FAM161A: variants seen among roughly 807,000 people sequenced by gnomAD.
The protein encoded by FAM161A is FAM161 centrosomal protein A.
In FAM161A, 57 loss-of-function variants were observed where a neutral mutation model predicts 70.9. The observed-to-expected ratio is 0.80, with a 90% confidence interval of 0.65 to 1.00. FAM161A has a LOEUF of 1.00. Among genes scored for constraint, FAM161A ranks in the 50% least tolerant of loss-of-function variants. FAM161A has a pLI of 0.00. For synonymous variants in FAM161A, 299 were observed against 295.7 expected (o/e 1.01, Z -0.12); for missense variants, 880 against 836.0 (o/e 1.05, Z -0.65).
intron 4 of FAM161A, among the ~76,000 whole-genome samples, chr2:61,837,608 A>C (rs1672821990): frequency 6.6e-6 from 1 of 152,190 alleles, no homozygotes; most frequent in Non-Finnish European, 1.5e-5. Context: ...ATCTCTACCA[A>C]AAATACAAAA....
the FAM161A span, among the ~76,000 whole-genome samples, chr2:61,800,920 C>T: frequency 6.6e-6 from 1 of 152,078 alleles, no homozygotes; most frequent in Admixed American, 6.6e-5. Context: ...TCTCCTGCCT[C>T]AGCCTCCCAA....
chr2:61,802,605 C>T, the FAM161A span, among the ~76,000 whole-genome samples: 1 of 152,068 alleles, frequency 6.6e-6, no homozygotes, highest in Admixed American at 6.6e-5. Flanking sequence ...TGGGACATTT[C>T]CTATAAACTG....
At chr2:61,852,910 A>G (rs1248067734) in intron 1 of FAM161A, among the ~76,000 whole-genome samples, 1 of 145,956 alleles carries the variant, frequency 6.9e-6, no homozygotes, top group Non-Finnish European at 1.5e-5. Flanking sequence ...CTATCTGCAG[A>G]TTGCTAGTTT....
chr2:61,817,793 C>T, the FAM161A span, among the ~76,000 whole-genome samples: 3 of 151,920 alleles, frequency 2.0e-5, no homozygotes, highest in Non-Finnish European at 1.5e-5. Context: ...ATAGTGAGAC[C>T]CTGTCTCTAC....
intron 1 of FAM161A, among the ~76,000 whole-genome samples, chr2:61,852,987 C>T (rs540072818): frequency 9.9e-5 from 13 of 131,520 alleles, no homozygotes; most frequent in Non-Finnish European, 1.5e-5. Context: ...TCTCAGCTCA[C>T]TGCAACCCTC....
Position 61,838,892 on chromosome 2 carries a change from A to ATTTATTTTTTTT in FAM161A, c.1584-188_1584-187insAAAAAAAATAAA, listed in dbSNP as rs747578151. Among the ~76,000 whole-genome samples the ATTTATTTTTTTT allele has an allele frequency of 1.3e-3, 169 of 130,322 alleles. 1 individual carries two copies. The highest frequency in any genetic ancestry group is 4.3e-3 in the African/African-American group (161 of 37,064). The allele number at this position is 130,322 out of a possible 152,430, so 85.5% of individuals were successfully genotyped here. A position where few individuals can be genotyped will look rare whatever the true frequency, so the allele number is the denominator to read the frequency against. On this transcript the variant is annotated intron_variant, in intron 3 of 6. Transcript: ENST00000404929. ...TATTTATTTATTTATTTATTTATTT[A>ATTTATTTTTTTT]TTTTTTTTGAGATGGAGTCTCGCTC...
the FAM161A span, among the ~76,000 whole-genome samples, chr2:61,802,758 C>T: frequency 0.014 from 2,124 of 152,246 alleles, 14 homozygotes; most frequent in South Asian, 0.022. Flanking sequence ...TCCTATGCAC[C>T]AGGCACTATA....
At chr2:61,834,921 A>G (rs1250027033) in intron 5 of FAM161A, among the ~76,000 whole-genome samples, 1 of 152,238 alleles carries the variant, frequency 6.6e-6, no homozygotes, top group Non-Finnish European at 1.5e-5. Flanking sequence ...TTTGAGCCAA[A>G]AGCCAATCAC....
At chr2:61,802,673 T>C in the FAM161A span, among the ~76,000 whole-genome samples, 2 of 152,186 alleles carry the variant, frequency 1.3e-5, no homozygotes, top group Non-Finnish European at 2.9e-5. Context: ...GTTTCAAATG[T>C]GTATATTCAA....
At position 61,825,469 on chromosome 2, in the gene FAM161A, A is replaced by G. The variant is rs574491002; in HGVS notation, c.*986T>C. ...TAATTACTTCCATCTGTAATAATAC[A>G]TAGGGTTAAAAAAACTAGTATAAAA... On this transcript the variant is annotated 3_prime_UTR_variant, in exon 7 of 7. Transcript: ENST00000404929. 4.5e-4 allele frequency: 203 copies of G among 451,876 alleles called. 1 individual carries two copies. Among genetic ancestry groups the G allele is most frequent in the South Asian group, 3.1e-3 (200 of 63,498 alleles). 28.0% of individuals were successfully genotyped at this position (451,876 alleles called of 1,614,324 possible). A position where few individuals can be genotyped will look rare whatever the true frequency, so the allele number is the denominator to read the frequency against.
chr2:61,814,269 G>A, the FAM161A span, among the ~76,000 whole-genome samples: 1 of 152,176 alleles, frequency 6.6e-6, no homozygotes, highest in Non-Finnish European at 1.5e-5. Context: ...GTTCCTGACA[G>A]TTTGCTCTTT....
chr2:61,804,758 G>GAA, the FAM161A span, among the ~76,000 whole-genome samples: 2 of 66,374 alleles, frequency 3.0e-5, no homozygotes, highest in African/African-American at 6.6e-5. Flanking sequence ...AAGAAAGAAA[G>GAA]AAAAAGAAAG....
At chr2:61,829,786 A>G (rs1672502001) in intron 5 of FAM161A, among the ~76,000 whole-genome samples, 1 of 152,220 alleles carries the variant, frequency 6.6e-6, no homozygotes, top group African/African-American at 2.4e-5. Context: ...GTGATTTCCA[A>G]GAAACAGGAC....
At chr2:61,833,121 T>A (rs2091589) in intron 5 of FAM161A, among the ~76,000 whole-genome samples, 59,562 of 151,274 alleles carry the variant, frequency 0.39, 11,820 homozygotes, top group African/African-American at 0.44. Context: ...CAAGAAAAAA[T>A]TTTTTTAAAG....
At chr2:61,841,975 A>C (rs1426247536) in intron 2 of FAM161A, 147 bp downstream of exon 2, 39 of 665,148 alleles carry the variant, frequency 5.9e-5, no homozygotes, top group Non-Finnish European at 9.6e-5. Flanking sequence ...TAAGCCATTA[A>C]ACATTTTGAA....
chr2:61,818,501 T>C, the FAM161A span, among the ~76,000 whole-genome samples: 3 of 152,154 alleles, frequency 2.0e-5, no homozygotes, highest in Non-Finnish European at 4.4e-5. Flanking sequence ...GCACAAAGAC[T>C]GAGGGAAAGA....
Position 61,849,761 on chromosome 2 carries a change from G to A in FAM161A, c.183+4098C>T, listed in dbSNP as rs553918245. On this transcript the variant is annotated intron_variant, in intron 1 of 6. Transcript: ENST00000404929. ...GATTGTGCCACTGTACTCTAGCCTGGTGACAGAGCGAGACTCCATCACAAA... is the reference window on the plus strand; with the variant it reads ...GATTGTGCCACTGTACTCTAGCCTGATGACAGAGCGAGACTCCATCACAAA... Among the ~76,000 whole-genome samples, 15 of 148,482 alleles carry A rather than the reference G, an allele frequency of 1.0e-4. No homozygotes were observed. The East Asian group carries it at 2.9e-3, about 29-fold the overall frequency.
At chr2:61,803,925 T>C in the FAM161A span, among the ~76,000 whole-genome samples, 3 of 152,206 alleles carry the variant, frequency 2.0e-5, no homozygotes. Flanking sequence ...TTCTTAGATC[T>C]TGCCCAAGAA....
the FAM161A span, among the ~76,000 whole-genome samples, chr2:61,814,041 G>A: frequency 6.6e-6 from 1 of 152,128 alleles, no homozygotes; most frequent in African/African-American, 2.4e-5. Flanking sequence ...ATGCCAGAAA[G>A]ATGCATCCTG....
Sources: allele counts gnomAD v4.1 joint callset (sites outside exome capture counted in the v4.1 genomes callset), GRCh38; gene constraint gnomAD v4.1.1; transcripts MANE v1.5; gene names NCBI Gene and HGNC (gene_info 2026-07-23, HGNC 2026-07-21).